ACTR3C: variants seen among roughly 807,000 people sequenced by gnomAD.
ACTR3C encodes the protein actin related protein 3C.
ACTR3C carries 18 observed loss-of-function variants against 26.3 expected under a neutral mutation model. The observed-to-expected ratio is 0.68, with a 90% CI of 0.47 to 1.01. ACTR3C has a LOEUF of 1.01. Ranked by LOEUF, ACTR3C falls within the 50% of genes least tolerant of loss-of-function variation. The pLI is 0.00. For missense variants in ACTR3C, 184 were observed against 250.7 expected, an observed-to-expected ratio of 0.73 and a Z score of 1.80; for synonymous variants, 55 against 94.5, an observed-to-expected ratio of 0.58 and a Z score of 2.42.
chr7:149,910,820 G>A, the ACTR3C span, among the ~76,000 whole-genome samples: 1 of 151,710 alleles, frequency 6.6e-6, no homozygotes, highest in Non-Finnish European at 1.5e-5. Flanking sequence ...TGAACACACG[G>A]TGAATGGATA....
chr7:150,022,752 C>G, the ACTR3C span, among the ~76,000 whole-genome samples: 1 of 152,090 alleles, frequency 6.6e-6, no homozygotes, highest in African/African-American at 2.4e-5. Flanking sequence ...TTTAAAACAG[C>G]CCAGCTGGTA....
At chr7:150,007,157 G>A in the ACTR3C span, among the ~76,000 whole-genome samples, 4 of 151,870 alleles carry the variant, frequency 2.6e-5, no homozygotes, top group Non-Finnish European at 5.9e-5. Flanking sequence ...TGCTGCTCAC[G>A]ACCCAACGAA....
At chr7:150,029,384 A>C in the ACTR3C span, among the ~76,000 whole-genome samples, 1 of 140,290 alleles carries the variant, frequency 7.1e-6, no homozygotes, top group Non-Finnish European at 1.5e-5. Flanking sequence ...ACATAGGAAG[A>C]CTCAATCTTT....
At chr7:150,125,962 T>C in the ACTR3C span, among the ~76,000 whole-genome samples, 1 of 152,336 alleles carries the variant, frequency 6.6e-6, no homozygotes, top group Non-Finnish European at 1.5e-5. Context: ...GTTTGCTGCA[T>C]GCAGGGCTGC....
chr7:150,169,114 GC>G, the ACTR3C span, among the ~76,000 whole-genome samples: 12 of 150,546 alleles, frequency 8.0e-5, no homozygotes, highest in South Asian at 2.5e-3. Context: ...GGGCACGGTG[GC>G]TCACACCTGT....
the ACTR3C span, among the ~76,000 whole-genome samples, chr7:150,068,874 A>C: frequency 2.0e-5 from 3 of 152,196 alleles, no homozygotes; most frequent in African/African-American, 7.2e-5. Context: ...CAAATTTGAT[A>C]ATTTACTTTG....
chr7:149,891,149 G>A, the ACTR3C span: 2 of 579,512 alleles, frequency 3.5e-6, no homozygotes, highest in Non-Finnish European at 6.3e-6. Context: ...TAAGCAATTT[G>A]GAATTTACAG....
the ACTR3C span, among the ~76,000 whole-genome samples, chr7:149,902,269 AAAAG>A: frequency 4.0e-5 from 6 of 151,380 alleles, no homozygotes; most frequent in South Asian, 2.1e-4. Flanking sequence ...AGAGAATAAA[AAAAG>A]AAAGCTAACA....
At chr7:150,261,070 T>C (rs937155042) in intron 6 of ACTR3C, among the ~76,000 whole-genome samples, 14 of 152,264 alleles carry the variant, frequency 9.2e-5, no homozygotes, top group Admixed American at 8.5e-4. Context: ...TAATAACTTC[T>C]GTGATTCTGT....
chr7:149,939,588 G>C, the ACTR3C span, among the ~76,000 whole-genome samples: 1 of 147,566 alleles, frequency 6.8e-6, no homozygotes, highest in African/African-American at 2.5e-5. Flanking sequence ...CAGAAGCTGG[G>C]AAGGGACCTG....
the ACTR3C span, among the ~76,000 whole-genome samples, chr7:149,947,963 A>G: frequency 6.6e-5 from 10 of 151,740 alleles, no homozygotes; most frequent in African/African-American, 2.4e-4. Context: ...ACGTAAGCAC[A>G]CAGAGCAGCC....
At chr7:150,115,643 A>T in the ACTR3C span, among the ~76,000 whole-genome samples, 1 of 152,258 alleles carries the variant, frequency 6.6e-6, no homozygotes, top group African/African-American at 2.4e-5. Flanking sequence ...AGTGGGAGGC[A>T]AAGTAGTCTT....
At chr7:150,003,372 GT>G in the ACTR3C span, among the ~76,000 whole-genome samples, 126 of 130,488 alleles carry the variant, frequency 9.7e-4, no homozygotes, top group African/African-American at 3.2e-3. Flanking sequence ...TGTGCTGTGT[GT>G]GTGATGTTTG....
the ACTR3C span, among the ~76,000 whole-genome samples, chr7:149,983,493 G>T: frequency 7.8e-6 from 1 of 129,016 alleles, no homozygotes; most frequent in East Asian, 2.4e-4. Flanking sequence ...ACAAGGATGT[G>T]TAGAAATCAG....
chr7:150,161,651 C>G, the ACTR3C span, among the ~76,000 whole-genome samples: 2 of 152,110 alleles, frequency 1.3e-5, no homozygotes, highest in African/African-American at 4.8e-5. Context: ...TTTGACCCAG[C>G]CATCCCATTA....
the ACTR3C span, among the ~76,000 whole-genome samples, chr7:150,212,188 G>A: frequency 2.7e-5 from 4 of 146,168 alleles, no homozygotes; most frequent in Middle Eastern, 6.9e-3. Context: ...TAGATTTGAG[G>A]GTCCTATAAA....
the ACTR3C span, among the ~76,000 whole-genome samples, chr7:150,188,319 G>A: frequency 6.6e-6 from 1 of 151,716 alleles, no homozygotes; most frequent in Admixed American, 6.6e-5. Context: ...GCTGAGTAGT[G>A]TTCCACTGCA....
the ACTR3C span, among the ~76,000 whole-genome samples, chr7:150,015,187 C>T: frequency 6.6e-6 from 1 of 152,088 alleles, no homozygotes; most frequent in Non-Finnish European, 1.5e-5. Context: ...TGGCTCCAAC[C>T]CTTGAGCACC....
the ACTR3C span, chr7:149,891,173 T>C: frequency 1.5e-5 from 10 of 683,714 alleles, no homozygotes; most frequent in East Asian, 2.9e-4. Context: ...TATATTCCTC[T>C]TAGTTCCAGT....
Sources: gnomAD v4.1 joint callset for allele counts (sites outside exome capture counted in the v4.1 genomes callset) on GRCh38, gnomAD v4.1.1 for gene constraint, MANE v1.5 for transcripts, NCBI Gene and HGNC (gene_info 2026-07-23, HGNC 2026-07-21) for gene names.